Variants in IZUMO2 observed in about 807,000 individuals in gnomAD.
IZUMO2 encodes the protein IZUMO family member 2.
Under a neutral mutation model 31.2 loss-of-function variants are expected in IZUMO2, and 24 were observed. The ratio of observed to expected loss-of-function variants is 0.77; its 90% confidence interval spans 0.56 to 1.08. The LOEUF is 1.08. Ranked by LOEUF, IZUMO2 falls within the 50% of genes least tolerant of loss-of-function variation. The pLI is 0.00. For synonymous variants in IZUMO2, 144 were observed against 117.3 expected, an observed-to-expected ratio of 1.23 and a Z score of -1.47; for missense variants, 278 against 274.0, an observed-to-expected ratio of 1.01 and a Z score of -0.10.
At chr19:50,157,730 G>C (rs1387115573) in intron 5 of IZUMO2, among the ~76,000 whole-genome samples, 2 of 149,730 alleles carry the variant, frequency 1.3e-5, no homozygotes, top group Admixed American at 1.3e-4. Context: ...GACCAGCCTG[G>C]CCAACATGGT....
At chr19:50,159,133 A>C in intron 4 of IZUMO2, 97 bp downstream of exon 4, 1 of 1,254,322 alleles carries the variant, frequency 8.0e-7, no homozygotes, top group East Asian at 2.4e-5. Context: ...GGAACTGCCA[A>C]ATGGAGTAAG....
intron 6 of IZUMO2, 76 bp from the exon 7 acceptor site, chr19:50,152,727 C>T: frequency 8.3e-7 from 1 of 1,209,420 alleles, no homozygotes. Context: ...CATAACTTCC[C>T]TCCCCATAAC....
intron 1 of IZUMO2, 75 bp from the exon 2 acceptor site, chr19:50,162,888 C>T: frequency 6.2e-7 from 1 of 1,604,664 alleles, no homozygotes; most frequent in Non-Finnish European, 8.5e-7. Flanking sequence ...CCAGGCCTGG[C>T]CCCGACCCCT....
At chr19:50,157,595 T>C (rs2093466721) in intron 5 of IZUMO2, among the ~76,000 whole-genome samples, 1 of 147,022 alleles carries the variant, frequency 6.8e-6, no homozygotes, top group South Asian at 2.3e-4. Context: ...AGCCACTGCA[T>C]GTTCGGTCTC....
Position 50,152,665 on chromosome 19 carries a change from A to G in IZUMO2, c.624-14T>C, listed in dbSNP as rs201532172. 167 of 1,608,312 alleles carry G rather than the reference A, an allele frequency of 1.0e-4. No homozygotes were observed. In the African/African-American group the frequency reaches 2.2e-3, roughly 21 times the overall value. On this transcript the variant is annotated splice_polypyrimidine_tract_variant and intron_variant, in intron 6 of 6. Coordinates refer to ENST00000293405, the MANE Select transcript of IZUMO2 (RefSeq NM_152358.3). The stretch of plus-strand genomic sequence containing the variant: ...TATGTACAAGCCCTGGTCAGAGAGA[A>G]AAAGCCTGTAGATTAGAATGAGAAT...
intron 5 of IZUMO2, among the ~76,000 whole-genome samples, chr19:50,155,148 T>C (rs554730952): frequency 7.9e-5 from 12 of 152,154 alleles, no homozygotes; most frequent in Non-Finnish European, 1.6e-4. Flanking sequence ...CTTGCGCCTA[T>C]AATCCCAGTA....
intron 2 of IZUMO2, among the ~76,000 whole-genome samples, chr19:50,161,960 A>G (rs1032153376): frequency 6.6e-6 from 1 of 152,238 alleles, no homozygotes. Flanking sequence ...GGTAACCTCT[A>G]TTTCCTTGGA....
intron 2 of IZUMO2, chr19:50,159,873 A>T (rs888899804): frequency 1.3e-4 from 31 of 247,620 alleles, no homozygotes; most frequent in Non-Finnish European, 2.0e-4. Flanking sequence ...TTTGAGACGG[A>T]GTCTCACTCT....
chr19:50,160,459 C>A (rs2030359134), intron 2 of IZUMO2: 1 of 150,374 alleles, frequency 6.7e-6, no homozygotes, highest in African/African-American at 2.4e-5. Context: ...TTCTATTTAC[C>A]TTTTTAAAAA....
chr19:50,154,714 G>T lies in IZUMO2; in HGVS notation c.509C>A (p.Pro170His). ...CATCTGGTACTGCAGGGCCACGCGG[G>T]GTTGCCGGTCGACTGGGGCGGGTGG... The part of the protein sequence containing the change: ...HKKYCFVDRQ[P>H]RVALQYQMDS... Residue 170 changes from proline (P) to histidine (H), a missense_variant, in exon 6 of 7, where the codon CCC becomes CAC. Transcript: ENST00000293405. 6.2e-7 allele frequency: 1 copy of T among 1,613,866 alleles called. No individual in the cohort carries two copies. Among genetic ancestry groups the T allele is most frequent in the Non-Finnish European group, 8.5e-7 (1 of 1,179,934 alleles).
intron 5 of IZUMO2, among the ~76,000 whole-genome samples, chr19:50,154,950 G>T (rs1600811770): frequency 6.6e-6 from 1 of 152,208 alleles, no homozygotes; most frequent in African/African-American, 2.4e-5. Flanking sequence ...TTGGGATATA[G>T]CCGGGAACCA....
chr19:50,154,661 G>A lies in IZUMO2; in HGVS notation c.562C>T (p.Leu188=). 6.2e-7 allele frequency: 1 copy of A among 1,614,060 alleles called. No individual in the cohort carries two copies. The highest frequency in any genetic ancestry group is 8.5e-7 in the Non-Finnish European group (1 of 1,179,996). Residue 188 remains leucine, a synonymous_variant, in exon 6 of 7, where the codon CTG becomes TTG. Transcript: ENST00000293405. ...GACACAGAAATGAGGATGCCCAACAGCGCCTGGTTCCTCGGGTATTTGCTG... is the reference window on the plus strand; with the variant it reads ...GACACAGAAATGAGGATGCCCAACAACGCCTGGTTCCTCGGGTATTTGCTG... ...MDSKYPRNQA[L]LGILISVSLA...
intron 2 of IZUMO2, among the ~76,000 whole-genome samples, chr19:50,161,346 T>G (rs1395850597): frequency 1.3e-5 from 2 of 152,084 alleles, no homozygotes; most frequent in Non-Finnish European, 2.9e-5. Flanking sequence ...GGTCTTGAAC[T>G]CCCAACCTCA....
Position 50,158,346 on chromosome 19 carries a change from A to C in IZUMO2, c.418T>G (p.Leu140Val). 6.2e-7 allele frequency: 1 copy of C among 1,605,288 alleles called. No homozygotes were observed. Among genetic ancestry groups the C allele is most frequent in the Non-Finnish European group, 8.5e-7 (1 of 1,173,664 alleles). Residue 140 changes from leucine (L) to valine (V), a missense_variant and splice_region_variant, in exon 5 of 7, where the codon TTG (leucine) becomes GTG (valine). Leu to Val is a conservative substitution (Grantham distance 32, BLOSUM62 1). Transcript: ENST00000293405. ...CAGTCCAACACCTCTTCTTTTAGCA[A>C]GCCTAGGCAAGGGGAAAGGGAGAAG... ...LKACNPKLCRLLKEEVLDCLH... is the reference protein window; with the variant it reads ...LKACNPKLCRVLKEEVLDCLH...
At chr19:50,158,409 GA>G in intron 4 of IZUMO2, 61 bp from the exon 5 acceptor site, 1 of 1,147,782 alleles carries the variant, frequency 8.7e-7, no homozygotes, top group Non-Finnish European at 1.3e-6. Context: ...GGCAAGGGTG[GA>G]AAGGAAGAAG....
At position 50,163,093 on chromosome 19, in the gene IZUMO2, G is replaced by A. The variant is rs921049195; in HGVS notation, c.102C>T (p.His34=). ...GACTGGGGATGAGGGCGGAGCGCAG[G>A]TGACCCAGGGCCTCCAGCACCAAGG... The part of the protein sequence containing the change: ...CDPLVLEALG[H]LRSALIPSRF... Residue 34 remains histidine, a synonymous_variant, in exon 1 of 7, where the codon CAC becomes CAT. Transcript: ENST00000293405. 1 of 1,612,134 alleles carries A rather than the reference G, an allele frequency of 6.2e-7. No homozygotes were observed. The highest frequency in any genetic ancestry group is 1.3e-5 in the African/African-American group (1 of 74,912).
chr19:50,159,787 C>A (rs2030335268), intron 2 of IZUMO2, among the ~76,000 whole-genome samples: 1 of 152,128 alleles, frequency 6.6e-6, no homozygotes, highest in Non-Finnish European at 1.5e-5. Flanking sequence ...CTAGGCAAAG[C>A]CACCCTTCCT....
At chr19:50,153,498 A>G (rs1285245043) in intron 6 of IZUMO2, among the ~76,000 whole-genome samples, 1 of 152,140 alleles carries the variant, frequency 6.6e-6, no homozygotes, top group Non-Finnish European at 1.5e-5. Flanking sequence ...CCATGCGCTA[A>G]GTGTTATTAA....
chr19:50,155,834 C>T (rs558470146), intron 5 of IZUMO2, among the ~76,000 whole-genome samples: 1 of 152,200 alleles, frequency 6.6e-6, no homozygotes, highest in Non-Finnish European at 1.5e-5. Flanking sequence ...CTCTTGCAAG[C>T]CCTGCACCAT....
Sources: allele counts gnomAD v4.1 joint callset (sites outside exome capture counted in the v4.1 genomes callset), GRCh38; gene constraint gnomAD v4.1.1; transcripts MANE v1.5; gene names NCBI Gene and HGNC (gene_info 2026-07-23, HGNC 2026-07-21).